The following EHBP1 variants were observed in gnomAD, a reference collection of about 807,000 sequenced individuals.
EHBP1 encodes the protein EH domain-binding protein 1.
EHBP1 carries 55 observed loss-of-function variants against 144.0 expected under a neutral mutation model. That is an observed-to-expected ratio of 0.38 (90% CI 0.31 to 0.48). The LOEUF is 0.48. Among genes scored for constraint, EHBP1 ranks in the 20% least tolerant of loss-of-function variants. EHBP1 has a pLI of 0.98. For synonymous variants in EHBP1, 469 were observed against 472.7 expected, an observed-to-expected ratio of 0.99 and a Z score of 0.10; for missense variants, 1,200 against 1,364.2, an observed-to-expected ratio of 0.88 and a Z score of 1.90.
intron 10 of EHBP1, among the ~76,000 whole-genome samples, chr2:62,890,658 T>C (rs2052381435): frequency 6.6e-6 from 1 of 152,192 alleles, no homozygotes; most frequent in Admixed American, 6.5e-5. Flanking sequence ...CGGTGTTCTC[T>C]AGATATTGGA....
chr2:62,770,115 A>T (rs2041542362), intron 4 of EHBP1, among the ~76,000 whole-genome samples: 1 of 152,176 alleles, frequency 6.6e-6, no homozygotes. Flanking sequence ...ACTGGCAAAG[A>T]TTTCATGACA....
chr2:62,749,729 G>A (rs2039498045), intron 3 of EHBP1, among the ~76,000 whole-genome samples: 2 of 152,130 alleles, frequency 1.3e-5, no homozygotes, highest in African/African-American at 4.8e-5. Flanking sequence ...TTCTCTGATG[G>A]CCAGTGATGA....
chr2:62,686,772 A>G (rs971688592), intron 1 of EHBP1, among the ~76,000 whole-genome samples: 1 of 152,230 alleles, frequency 6.6e-6, no homozygotes, highest in Non-Finnish European at 1.5e-5. Flanking sequence ...TCTTATTTTA[A>G]ACACATGTTT....
intron 5 of EHBP1, among the ~76,000 whole-genome samples, chr2:62,794,430 C>G (rs931695198): frequency 1.3e-5 from 2 of 151,974 alleles, no homozygotes; most frequent in African/African-American, 2.4e-5. Context: ...CTCACTAACT[C>G]TTCTTATGTA....
intron 1 of EHBP1, among the ~76,000 whole-genome samples, chr2:62,697,740 A>T (rs1197166050): frequency 6.6e-6 from 1 of 152,230 alleles, no homozygotes; most frequent in East Asian, 1.9e-4. Flanking sequence ...ATCAAAGAAA[A>T]TCAAAATGAA....
intron 10 of EHBP1, chr2:62,940,237 G>A (rs1053009847): frequency 1.9e-5 from 6 of 311,800 alleles, no homozygotes; most frequent in South Asian, 1.1e-4. Context: ...AGATTTATTC[G>A]GTCAGTATTG....
intron 2 of EHBP1, among the ~76,000 whole-genome samples, chr2:62,727,015 A>G (rs889295072): frequency 9.9e-5 from 15 of 152,216 alleles, no homozygotes; most frequent in Admixed American, 9.2e-4. Flanking sequence ...GGCACATGCC[A>G]CCACGCCCGA....
At chr2:63,020,323 C>CAAAAA (rs1001418542) in intron 19 of EHBP1, among the ~76,000 whole-genome samples, 8 of 45,232 alleles carry the variant, frequency 1.8e-4, no homozygotes, top group Admixed American at 5.0e-4. Context: ...GACTCTGTCT[C>CAAAAA]AAAAAAAAAA....
At chr2:62,925,472 A>G (rs1358705055) in intron 10 of EHBP1, among the ~76,000 whole-genome samples, 1 of 152,162 alleles carries the variant, frequency 6.6e-6, no homozygotes, top group African/African-American at 2.4e-5. Flanking sequence ...GGGAAGTTGA[A>G]TCTGTGCTCT....
intron 4 of EHBP1, among the ~76,000 whole-genome samples, chr2:62,768,787 C>A (rs901731699): frequency 6.6e-6 from 1 of 152,180 alleles, no homozygotes; most frequent in Non-Finnish European, 1.5e-5. Flanking sequence ...CAAACTGATA[C>A]TAGCAGCACA....
chr2:63,027,669 G>A (rs938007085), intron 19 of EHBP1, among the ~76,000 whole-genome samples: 11 of 152,132 alleles, frequency 7.2e-5, no homozygotes, highest in Admixed American at 2.0e-4. Flanking sequence ...TATTTAGGAA[G>A]GTGCATATGA....
rs578104049 is a variant in EHBP1 at position 62,798,376 on chromosome 2, A to G, written c.312+26984A>G. Among the ~76,000 whole-genome samples the G allele has an allele frequency of 2.2e-3, 340 of 152,160 alleles. 5 individuals carry two copies. Among genetic ancestry groups the G allele is most frequent in the Admixed American group, 5.3e-3 (81 of 15,282 alleles). On this transcript the variant is annotated intron_variant, in intron 5 of 22. Transcript: ENST00000431489. ...GAGTGAGACTCCGTCAAAAAAAAAA[A>G]AAGAAAGAAATATCTGTAGAAATCT... is the stretch of plus-strand genomic sequence containing the variant.
chr2:62,886,419 C>A (rs1452616141), intron 10 of EHBP1, among the ~76,000 whole-genome samples: 1 of 152,112 alleles, frequency 6.6e-6, no homozygotes, highest in South Asian at 2.1e-4. Context: ...TCTTACTTTA[C>A]CTGTAAATTT....
intron 19 of EHBP1, among the ~76,000 whole-genome samples, chr2:63,028,015 G>A (rs2061059499): frequency 6.6e-6 from 1 of 151,946 alleles, no homozygotes; most frequent in South Asian, 2.1e-4. Context: ...CTCCTGTCTT[G>A]GCCTCTGAAA....
rs562582107 is a variant in EHBP1, at chr2:62,830,027, A to G, written c.495-992A>G. The stretch of plus-strand genomic sequence containing the variant: ...AAAAAAATAAGTTATTACAGGAAAA[A>G]GACACTTGCACATGCAATGTTTATA... On this transcript the variant is annotated intron_variant, in intron 6 of 22. Transcript: ENST00000431489. 7.3e-5 allele frequency among the ~76,000 whole-genome samples: 11 copies of G among 151,198 alleles called. No homozygotes were observed. The South Asian group carries it at 2.3e-3, about 31-fold the overall frequency.
intron 10 of EHBP1, among the ~76,000 whole-genome samples, chr2:62,903,731 A>G (rs1476120511): frequency 1.3e-5 from 2 of 152,034 alleles, no homozygotes; most frequent in African/African-American, 4.8e-5. Flanking sequence ...GCACCATTGC[A>G]CTCCAGCCTG....
chr2:62,748,750 A>G (rs1204441290), intron 3 of EHBP1, among the ~76,000 whole-genome samples: 2 of 152,188 alleles, frequency 1.3e-5, no homozygotes, highest in African/African-American at 2.4e-5. Flanking sequence ...TGGTTTTTCT[A>G]CAAGTAGACC....
chr2:62,817,701 G>A (rs2045550330), intron 5 of EHBP1, among the ~76,000 whole-genome samples: 1 of 152,166 alleles, frequency 6.6e-6, no homozygotes, highest in South Asian at 2.1e-4. Flanking sequence ...TAATCCAGTT[G>A]AAAGGAAATA....
intron 6 of EHBP1, among the ~76,000 whole-genome samples, chr2:62,828,570 T>C (rs2046516123): frequency 6.6e-6 from 1 of 152,314 alleles, no homozygotes; most frequent in Non-Finnish European, 1.5e-5. Context: ...GTTTCTTAAC[T>C]TTTGGGCGGT....
Sources: gnomAD v4.1 joint callset for allele counts (sites outside exome capture counted in the v4.1 genomes callset) on GRCh38, gnomAD v4.1.1 for gene constraint, MANE v1.5 for transcripts, NCBI Gene and HGNC (gene_info 2026-07-23, HGNC 2026-07-21) for gene names.